The following TAOK3 variants were observed in gnomAD, a reference collection of about 807,000 sequenced individuals.
TAOK3 encodes TAO kinase 3, also known as serine/threonine-protein kinase TAO3.
Under a neutral mutation model 120.4 loss-of-function variants are expected in TAOK3, and 40 were observed. The observed-to-expected ratio is 0.33, with a 90% CI of 0.26 to 0.43. TAOK3 has a LOEUF of 0.43. Ranked by LOEUF, TAOK3 falls within the 20% of genes least tolerant of loss-of-function variation. The probability of loss-of-function intolerance (pLI) is 1.00; values close to 1 mark genes in which losing one functional copy is unlikely to be tolerated. For missense variants in TAOK3, 821 were observed against 1,112.1 expected, an observed-to-expected ratio of 0.74 and a Z score of 3.72; for synonymous variants, 355 against 387.5, an observed-to-expected ratio of 0.92 and a Z score of 0.99.
At chr12:118,190,652 T>C (rs1239136023) in intron 13 of TAOK3, 1 of 152,234 alleles carries the variant, frequency 6.6e-6, no homozygotes, top group Non-Finnish European at 1.5e-5. Flanking sequence ...ATCGGTATGG[T>C]CACCAGAGTG....
intron 11 of TAOK3, 58 bp from the exon 12 acceptor site, chr12:118,201,521 G>T: frequency 6.9e-7 from 1 of 1,440,568 alleles, no homozygotes; most frequent in Non-Finnish European, 9.4e-7. Context: ...TTAGGTGCAA[G>T]GTACAGATAT....
Position 118,255,557 on chromosome 12 carries a change from C to T in TAOK3, c.11G>A (p.Gly4Glu). 2 of 1,613,304 alleles carry T rather than the reference C, an allele frequency of 1.2e-6. No individual in the cohort carries two copies. The highest frequency in any genetic ancestry group is 1.1e-5 in the South Asian group (1 of 90,896). Reference sequence around the variant, plus strand: ...GGCAATCTCTGGGTCCTTCAGCACCCCTTTACGCATGATGGCCAGTAGAGC... The same window carrying T: ...GGCAATCTCTGGGTCCTTCAGCACCTCTTTACGCATGATGGCCAGTAGAGC... The part of the protein sequence containing the change: MRK[G>E]VLKDPEIADL... The change falls in exon 3 of 21, where the codon GGG (glycine) becomes GAG (glutamate). Residue 4 changes from glycine (G) to glutamate (E), a missense_variant. Gly to Glu is a moderately conservative substitution (Grantham distance 98). Coordinates refer to ENST00000392533, the MANE Select transcript of TAOK3 (RefSeq NM_016281.4).
At chr12:118,186,052 C>T (rs893056751) in intron 14 of TAOK3, among the ~76,000 whole-genome samples, 7 of 152,204 alleles carry the variant, frequency 4.6e-5, no homozygotes, top group Non-Finnish European at 7.3e-5. Context: ...AATTCATTCA[C>T]GTATCCAATT....
At chr12:118,265,461 C>T (rs939264035) in intron 2 of TAOK3, among the ~76,000 whole-genome samples, 4 of 149,404 alleles carry the variant, frequency 2.7e-5, no homozygotes, top group African/African-American at 9.8e-5. Flanking sequence ...CATACACTTA[C>T]CTACAAACTC....
chr12:118,361,792 A>C (rs762900321), intron 1 of TAOK3, among the ~76,000 whole-genome samples: 4 of 151,982 alleles, frequency 2.6e-5, no homozygotes, highest in Non-Finnish European at 5.9e-5. Flanking sequence ...TTAAAATTTC[A>C]ACTTTTATTT....
At chr12:118,341,328 A>G (rs2141123996) in intron 1 of TAOK3, among the ~76,000 whole-genome samples, 1 of 152,202 alleles carries the variant, frequency 6.6e-6, no homozygotes, top group Admixed American at 6.5e-5. Flanking sequence ...CTAAAAATTT[A>G]ACGATAATTT....
At chr12:118,344,196 T>C (rs995023833) in intron 1 of TAOK3, among the ~76,000 whole-genome samples, 2 of 149,066 alleles carry the variant, frequency 1.3e-5, no homozygotes, top group African/African-American at 2.5e-5. Context: ...TTGAGTCCTT[T>C]ATCTTGTATG....
chr12:118,313,708 A>G (rs1416148296), intron 1 of TAOK3, among the ~76,000 whole-genome samples: 2 of 152,250 alleles, frequency 1.3e-5, no homozygotes, highest in Non-Finnish European at 2.9e-5. Flanking sequence ...CATTACAGAA[A>G]TGACTAAACT....
At chr12:118,166,847 TACACACACAC>T (rs200569755) in intron 17 of TAOK3, among the ~76,000 whole-genome samples, 26 of 135,402 alleles carry the variant, frequency 1.9e-4, no homozygotes, top group African/African-American at 6.9e-4. Flanking sequence ...CACACACACA[TACACACACAC>T]ACACACACAC....
At chr12:118,260,216 C>T (rs2041166134) in intron 2 of TAOK3, among the ~76,000 whole-genome samples, 1 of 152,108 alleles carries the variant, frequency 6.6e-6, no homozygotes, top group Non-Finnish European at 1.5e-5. Flanking sequence ...GCAGCCTCAA[C>T]CTCCGGGACT....
rs2045919256 is a variant in TAOK3 at position 118,372,192 on chromosome 12, C to T, written c.-194+456G>A. Among the ~76,000 whole-genome samples the T allele has an allele frequency of 6.6e-6, 1 of 151,330 alleles. No individual in the cohort carries two copies. Among genetic ancestry groups the T allele is most frequent in the Non-Finnish European group, 1.5e-5 (1 of 67,780 alleles). On this transcript the variant is annotated intron_variant, in intron 1 of 20. Coordinates refer to ENST00000392533, the MANE Select transcript of TAOK3 (RefSeq NM_016281.4). This position sits in a 1 kb window ranked among gnomAD's most constrained non-coding sequence, Gnocchi z 4.6. The stretch of plus-strand genomic sequence containing the variant: ...TCCTCTCCCCGGGTGCTGTCCCAGC[C>T]CCTCTCGGGGTCCCCATCTCTCAGA...
chr12:118,294,817 G>A (rs544920876), intron 1 of TAOK3, among the ~76,000 whole-genome samples: 28 of 152,224 alleles, frequency 1.8e-4, no homozygotes, highest in African/African-American at 6.7e-4. Flanking sequence ...TAGATTTAGA[G>A]TTTGAAAAAA....
chr12:118,235,497 C>T (rs1056144998), intron 8 of TAOK3, 61 bp downstream of exon 8: 6 of 1,341,940 alleles, frequency 4.5e-6, no homozygotes, highest in African/African-American at 1.4e-5. Context: ...CAAACCAGCA[C>T]CATAGTTGAG....
chr12:118,332,955 A>G (rs879582155), intron 1 of TAOK3, among the ~76,000 whole-genome samples: 1 of 135,186 alleles, frequency 7.4e-6, no homozygotes, highest in Non-Finnish European at 1.6e-5. Context: ...TTAAATGTAC[A>G]TGCACCAAAC....
At chr12:118,235,487 C>A in intron 8 of TAOK3, 71 bp downstream of exon 8, 1 of 1,265,598 alleles carries the variant, frequency 7.9e-7, no homozygotes, top group South Asian at 1.3e-5. Context: ...AAAACCAAGC[C>A]AAACCAGCAC....
intron 9 of TAOK3, among the ~76,000 whole-genome samples, chr12:118,221,634 C>CTTTTT (rs35069196): frequency 1.6e-5 from 2 of 126,014 alleles, no homozygotes; most frequent in African/African-American, 6.1e-5. Context: ...TACATATAAC[C>CTTTTT]TTTTTTTTTT....
chr12:118,358,293 C>T (rs2045475416), intron 1 of TAOK3, among the ~76,000 whole-genome samples: 1 of 152,148 alleles, frequency 6.6e-6, no homozygotes, highest in Non-Finnish European at 1.5e-5. Context: ...AAGTAGCTAA[C>T]TCTATGTATT....
intron 1 of TAOK3, among the ~76,000 whole-genome samples, chr12:118,300,078 C>T (rs2042823972): frequency 6.6e-6 from 1 of 152,142 alleles, no homozygotes; most frequent in South Asian, 2.1e-4. Context: ...TGCTTCTGTG[C>T]TAGGTCTAGA....
intron 19 of TAOK3, among the ~76,000 whole-genome samples, chr12:118,158,165 C>T (rs893688382): frequency 6.6e-6 from 1 of 152,208 alleles, no homozygotes; most frequent in Non-Finnish European, 1.5e-5. Flanking sequence ...ATGCTCTCTT[C>T]GGGTTCCCTT....
Sources: allele counts gnomAD v4.1 joint callset (sites outside exome capture counted in the v4.1 genomes callset), GRCh38; gene constraint gnomAD v4.1.1; non-coding constraint Gnocchi (gnomAD v3.1); transcripts MANE v1.5; gene names NCBI Gene and HGNC (gene_info 2026-07-23, HGNC 2026-07-21).